Variants in KHDRBS2 observed in about 807,000 individuals in gnomAD.
The protein encoded by KHDRBS2 is KH domain-containing, RNA-binding, signal transduction-associated protein 2.
A neutral mutation model predicts 44.3 loss-of-function variants in KHDRBS2; 26 were observed. The ratio of observed to expected loss-of-function variants is 0.59; its 90% CI spans 0.43 to 0.81. The LOEUF is 0.81. Among genes scored for constraint, KHDRBS2 ranks in the 40% least tolerant of loss-of-function variants. The probability of loss-of-function intolerance (pLI) is 0.00; values close to 1 mark genes in which losing one functional copy is unlikely to be tolerated. For missense variants in KHDRBS2, 476 were observed against 433.1 expected, an observed-to-expected ratio of 1.10 and a Z score of -0.88; for synonymous variants, 194 against 151.1, an observed-to-expected ratio of 1.28 and a Z score of -2.08.
At chr6:61,605,176 T>A in the KHDRBS2 span, among the ~76,000 whole-genome samples, 6 of 152,310 alleles carry the variant, frequency 3.9e-5, no homozygotes, top group African/African-American at 1.2e-4. Context: ...GTATGGATGC[T>A]CCTTTTTATT....
chr6:61,895,112 C>T lies in KHDRBS2; in HGVS notation c.612-279G>A, dbSNP rs1170645371. 3.4e-5 allele frequency among the ~76,000 whole-genome samples: 5 copies of T among 149,108 alleles called. No homozygotes were observed. In the South Asian group the frequency reaches 6.4e-4, roughly 19 times the overall value. The stretch of plus-strand genomic sequence containing the variant: ...TTATTGTCTTTTATATAACTAAAAA[C>T]CCAAAGCCAGAAAAAAAAAAAAAAC... On this transcript the variant is annotated intron_variant, in intron 5 of 8. Transcript: ENST00000281156.
At chr6:62,194,457 C>CTTCCT (rs1825232399) in intron 1 of KHDRBS2, among the ~76,000 whole-genome samples, 1 of 127,748 alleles carries the variant, frequency 7.8e-6, no homozygotes, top group South Asian at 2.5e-4. Context: ...CCACACTACA[C>CTTCCT]TTTCTTTTCT....
intron 7 of KHDRBS2, among the ~76,000 whole-genome samples, chr6:61,714,150 CA>C (rs1462371314): frequency 2.0e-5 from 3 of 151,594 alleles, no homozygotes; most frequent in Non-Finnish European, 4.4e-5. Context: ...ATTCATTTAA[CA>C]AAGGACTAAT....
chr6:62,050,467 G>T (rs1484544733), intron 2 of KHDRBS2, among the ~76,000 whole-genome samples: 2 of 151,000 alleles, frequency 1.3e-5, no homozygotes, highest in African/African-American at 4.9e-5. Context: ...AAGCCCTACT[G>T]ATGCAAACAC....
intron 1 of KHDRBS2, among the ~76,000 whole-genome samples, chr6:62,203,776 A>C (rs1304170402): frequency 6.6e-6 from 1 of 152,150 alleles, no homozygotes; most frequent in Non-Finnish European, 1.5e-5. Flanking sequence ...ACTAGCATTT[A>C]TTTGGCACTT....
rs550013086 is a variant in KHDRBS2, at chr6:61,997,418, C to A, written c.337-19206G>T. 1.2e-4 allele frequency among the ~76,000 whole-genome samples: 18 copies of A among 152,252 alleles called. No homozygotes were observed. In the South Asian group the frequency reaches 3.7e-3, roughly 32 times the overall value. On this transcript the variant is annotated intron_variant, in intron 3 of 8. Coordinates refer to ENST00000281156, the MANE Select transcript of KHDRBS2 (RefSeq NM_152688.4). ...TGCTGGATGCTCGTAAGTAGTATCA[C>A]TGATATTCTGAAATTAGCTGTTAAA...
At chr6:61,622,083 C>G in the KHDRBS2 span, among the ~76,000 whole-genome samples, 1 of 152,210 alleles carries the variant, frequency 6.6e-6, no homozygotes, top group Non-Finnish European at 1.5e-5. Flanking sequence ...TCTAGCTAAA[C>G]TCTACACTTT....
At chr6:61,663,500 C>CATATATAT in the KHDRBS2 span, among the ~76,000 whole-genome samples, 1,079 of 35,962 alleles carry the variant, frequency 0.03, 279 homozygotes, top group South Asian at 0.049. Context: ...CATGAGACAC[C>CATATATAT]ATATATATAT....
At chr6:61,866,921 G>A (rs519522) in intron 6 of KHDRBS2, among the ~76,000 whole-genome samples, 23,753 of 151,998 alleles carry the variant, frequency 0.16, 2,454 homozygotes, top group South Asian at 0.23. Flanking sequence ...TGTCGATATC[G>A]CTATCAGCAT....
At chr6:61,743,918 T>C (rs944112118) in intron 6 of KHDRBS2, among the ~76,000 whole-genome samples, 3 of 151,908 alleles carry the variant, frequency 2.0e-5, no homozygotes, top group African/African-American at 4.8e-5. Flanking sequence ...CTGAGAATGA[T>C]GGTTTCCAGT....
intron 3 of KHDRBS2, among the ~76,000 whole-genome samples, chr6:62,039,639 GA>G: frequency 6.6e-6 from 1 of 151,970 alleles, no homozygotes; most frequent in Non-Finnish European, 1.5e-5. Context: ...TAAAATGTAA[GA>G]AATGACTAAT....
At chr6:62,251,474 G>T (rs1333796613) in intron 1 of KHDRBS2, among the ~76,000 whole-genome samples, 2 of 151,936 alleles carry the variant, frequency 1.3e-5, no homozygotes, top group Admixed American at 6.6e-5. Flanking sequence ...GAACAGAGAG[G>T]TTAACAACTG....
chr6:62,169,575 C>T (rs1021532610), intron 2 of KHDRBS2, among the ~76,000 whole-genome samples: 1 of 151,980 alleles, frequency 6.6e-6, no homozygotes, highest in South Asian at 2.1e-4. Flanking sequence ...CAAAGCTGGG[C>T]AGTAGCCCTT....
At chr6:62,018,203 A>G (rs755182755) in intron 3 of KHDRBS2, among the ~76,000 whole-genome samples, 2 of 150,884 alleles carry the variant, frequency 1.3e-5, no homozygotes, top group Non-Finnish European at 3.0e-5. Context: ...AAATATAAAA[A>G]TATACAAATA....
chr6:61,874,962 A>T (rs2127308546), intron 6 of KHDRBS2, among the ~76,000 whole-genome samples: 1 of 152,234 alleles, frequency 6.6e-6, no homozygotes, highest in East Asian at 1.9e-4. Context: ...AATATAGAAA[A>T]TAAATGAGAA....
rs78551599 is a variant in KHDRBS2 at position 62,111,739 on chromosome 6, G to A, written c.220-63745C>T. Among the ~76,000 whole-genome samples, 83 of 152,074 alleles carry A rather than the reference G, an allele frequency of 5.5e-4. No individual in the cohort carries two copies. In the East Asian group the frequency reaches 0.014, roughly 26 times the overall value. ...TCTACAAAAAATTAGAAAATTAGCC[G>A]AGTATGGTGGCACACTTCTGTAGTC... On this transcript the variant is annotated intron_variant, in intron 2 of 8. Transcript: ENST00000281156.
chr6:61,757,364 G>C (rs1199116868), intron 6 of KHDRBS2, among the ~76,000 whole-genome samples: 2 of 151,986 alleles, frequency 1.3e-5, no homozygotes, highest in African/African-American at 4.8e-5. Flanking sequence ...AATGTGTAGG[G>C]GTTCCAGTTT....
intron 1 of KHDRBS2, among the ~76,000 whole-genome samples, chr6:62,209,725 T>C (rs140125180): frequency 6.6e-6 from 1 of 152,246 alleles, no homozygotes; most frequent in Non-Finnish European, 1.5e-5. Flanking sequence ...GCTGCCAGCT[T>C]GGTTACAATA....
intron 1 of KHDRBS2, among the ~76,000 whole-genome samples, chr6:62,268,029 A>G (rs1839483649): frequency 6.6e-6 from 1 of 152,036 alleles, no homozygotes; most frequent in South Asian, 2.1e-4. Flanking sequence ...CTTTTCTCAT[A>G]AATTTCTATA....
Sources: gnomAD v4.1 joint callset for allele counts (sites outside exome capture counted in the v4.1 genomes callset) on GRCh38, gnomAD v4.1.1 for gene constraint, MANE v1.5 for transcripts, NCBI Gene and HGNC (gene_info 2026-07-23, HGNC 2026-07-21) for gene names.